Variants in UTRN observed in about 807,000 individuals in gnomAD.
UTRN encodes dystrophin-related protein 1.
In UTRN, 283 loss-of-function variants were observed where a neutral mutation model predicts 463.9. The observed-to-expected ratio is 0.61, with a 90% CI of 0.55 to 0.67. The LOEUF (loss-of-function observed/expected upper bound fraction) is 0.67, where lower values mean the gene tolerates loss of function less well. Among genes scored for constraint, UTRN ranks in the 30% least tolerant of loss-of-function variants. UTRN has a pLI of 0.00. For synonymous variants in UTRN, 1,442 were observed against 1,431.5 expected, an observed-to-expected ratio of 1.01 and a Z score of -0.17; for missense variants, 3,922 against 4,084.3, an observed-to-expected ratio of 0.96 and a Z score of 1.08.
chr6:144,325,194 A>G (rs576170992), intron 2 of UTRN, among the ~76,000 whole-genome samples: 20 of 152,216 alleles, frequency 1.3e-4, no homozygotes, highest in Admixed American at 7.8e-4. Flanking sequence ...CCCGAATTTC[A>G]TGTTTTGGAA....
intron 51 of UTRN, among the ~76,000 whole-genome samples, chr6:144,604,909 C>T (rs529885238): frequency 3.3e-5 from 5 of 151,784 alleles, no homozygotes; most frequent in South Asian, 2.1e-4. Flanking sequence ...GAGCGAAACT[C>T]GGTCTCAAAA....
At chr6:144,661,713 T>C (rs372414312) in intron 51 of UTRN, among the ~76,000 whole-genome samples, 10 of 152,216 alleles carry the variant, frequency 6.6e-5, no homozygotes, top group East Asian at 3.8e-4. Flanking sequence ...AATTCATTAC[T>C]TAGACCCCCT....
chr6:144,454,249 G>A (rs7758035), intron 19 of UTRN, among the ~76,000 whole-genome samples: 3,922 of 152,150 alleles, frequency 0.026, 165 homozygotes, highest in African/African-American at 0.083. Flanking sequence ...ACGAAGTTAC[G>A]TTAAATTCAT....
chr6:144,714,508 G>A (rs1243245997), intron 53 of UTRN, among the ~76,000 whole-genome samples: 2 of 152,146 alleles, frequency 1.3e-5, no homozygotes, highest in Admixed American at 6.5e-5. Context: ...GTCACACAGG[G>A]CTCTGCTCTT....
intron 51 of UTRN, among the ~76,000 whole-genome samples, chr6:144,579,366 CAGTT>C (rs1469318024): frequency 1.4e-5 from 2 of 142,870 alleles, no homozygotes; most frequent in Admixed American, 6.7e-5. Context: ...TAAATGCTCA[CAGTT>C]AGTTAACTTA....
intron 13 of UTRN, among the ~76,000 whole-genome samples, chr6:144,444,048 A>ATTATG (rs1181760631): frequency 6.6e-6 from 1 of 152,186 alleles, no homozygotes; most frequent in Non-Finnish European, 1.5e-5. Flanking sequence ...ATACAGTTCT[A>ATTATG]TTATGTTAGT....
At chr6:144,743,744 T>C (rs1013274195) in intron 54 of UTRN, among the ~76,000 whole-genome samples, 2 of 152,168 alleles carry the variant, frequency 1.3e-5, no homozygotes, top group Non-Finnish European at 1.5e-5. Context: ...ATAAATGCTG[T>C]GCCACTAATT....
intron 25 of UTRN, among the ~76,000 whole-genome samples, chr6:144,479,584 A>T (rs531105303): frequency 2.3e-4 from 35 of 152,362 alleles, no homozygotes; most frequent in Non-Finnish European, 4.3e-4. Context: ...AGCTATTTCG[A>T]GATAAGAGTA....
intron 52 of UTRN, among the ~76,000 whole-genome samples, chr6:144,679,642 A>G (rs961311767): frequency 6.6e-5 from 10 of 152,186 alleles, no homozygotes; most frequent in African/African-American, 2.4e-4. Flanking sequence ...TCCCTAATCT[A>G]TGTAAATCCT....
intron 9 of UTRN, among the ~76,000 whole-genome samples, chr6:144,432,272 C>T (rs546333189): frequency 6.6e-6 from 1 of 152,336 alleles, no homozygotes; most frequent in East Asian, 1.9e-4. Context: ...CATTATATGG[C>T]AGCCTGCACA....
At chr6:144,545,569 T>C (rs7770106) in intron 46 of UTRN, among the ~76,000 whole-genome samples, 81,520 of 152,128 alleles carry the variant, frequency 0.54, 23,763 homozygotes, top group East Asian at 0.85. Context: ...GTTCTTCTCT[T>C]AGATATTTTC....
chr6:144,748,211 A>G (rs770044673), intron 54 of UTRN, 35 bp from the exon 55 acceptor site: 1 of 1,572,130 alleles, frequency 6.4e-7, no homozygotes, highest in East Asian at 2.3e-5. Flanking sequence ...ATAATCAGAC[A>G]TCCAAATTAT....
At chr6:144,838,175 A>G (rs80030192) in intron 71 of UTRN, among the ~76,000 whole-genome samples, 1,943 of 152,262 alleles carry the variant, frequency 0.013, 47 homozygotes, top group African/African-American at 0.044. Flanking sequence ...CAGGAGAGCA[A>G]AAGGCTTTTC....
At chr6:144,631,733 G>C (rs1277645541) in intron 51 of UTRN, among the ~76,000 whole-genome samples, 2 of 152,046 alleles carry the variant, frequency 1.3e-5, no homozygotes, top group Non-Finnish European at 2.9e-5. Flanking sequence ...ATTTGGGAGG[G>C]CTTTGGGCTC....
At chr6:144,630,011 C>T (rs1175624153) in intron 51 of UTRN, among the ~76,000 whole-genome samples, 1 of 149,746 alleles carries the variant, frequency 6.7e-6, no homozygotes, top group African/African-American at 2.5e-5. Flanking sequence ...TGGTGAAACC[C>T]CATCTCTACT....
Position 144,291,902 on chromosome 6 carries a change from G to C in UTRN, c.74G>C (p.Arg25Thr), listed in dbSNP as rs1804279674. 3 of 1,609,426 alleles carry C rather than the reference G, an allele frequency of 1.9e-6. No individual in the cohort carries two copies. In the African/African-American group the frequency reaches 4.0e-5, roughly 22 times the overall value. Residue 25 changes from arginine (R) to threonine (T), a missense_variant, in exon 2 of 75, where the codon AGA becomes ACA. By Grantham distance (71) the Arg-to-Thr change is moderately conservative. This residue lies in a region of UTRN where 264 missense variants were observed against 327.9 expected (regional missense o/e 0.81). Transcript: ENST00000367545. ...QNEFSDIIKS[R>T]SDEHNDVQKK... The stretch of plus-strand genomic sequence containing the variant: ...GAATTCAGTGATATCATTAAGTCCA[G>C]ATCTGGTAGGTAAAGGAAGCTCAAG...
chr6:144,469,361 C>T (rs901028871), intron 23 of UTRN, among the ~76,000 whole-genome samples: 3 of 152,110 alleles, frequency 2.0e-5, no homozygotes, highest in Non-Finnish European at 4.4e-5. Context: ...GTATAATAAT[C>T]GCTACCATTT....
At chr6:144,563,043 G>A (rs1800076300) in intron 50 of UTRN, among the ~76,000 whole-genome samples, 1 of 152,014 alleles carries the variant, frequency 6.6e-6, no homozygotes, top group South Asian at 2.1e-4. Flanking sequence ...TTTAATGTGG[G>A]AGCACAAATA....
intron 23 of UTRN, among the ~76,000 whole-genome samples, chr6:144,470,676 G>A (rs937562831): frequency 1.3e-5 from 2 of 152,074 alleles, no homozygotes; most frequent in Admixed American, 6.5e-5. Context: ...CAAAGCAGGC[G>A]GCTGGGAGGT....
Sources: gnomAD v4.1 joint callset for allele counts (sites outside exome capture counted in the v4.1 genomes callset) on GRCh38, gnomAD v4.1.1 for gene constraint, gnomAD v4.1.1 regional missense constraint, MANE v1.5 for transcripts, NCBI Gene and HGNC (gene_info 2026-07-23, HGNC 2026-07-21) for gene names.